The following TTC29 variants were observed in gnomAD, a reference collection of about 807,000 sequenced individuals.
TTC29 encodes tetratricopeptide repeat domain 29, also known as tetratricopeptide repeat protein 29.
TTC29 carries 49 observed loss-of-function variants against 58.1 expected under a neutral mutation model. The ratio of observed to expected loss-of-function variants is 0.84; its 90% CI spans 0.67 to 1.07. TTC29 has a LOEUF of 1.07. Among genes scored for constraint, TTC29 ranks in the 50% least tolerant of loss-of-function variants. TTC29 has a pLI of 0.00. For missense variants in TTC29, 582 were observed against 555.6 expected (o/e 1.05, Z -0.48); for synonymous variants, 209 against 196.8 (o/e 1.06, Z -0.52).
At chr4:146,861,919 G>T (rs1054367239) in intron 8 of TTC29, among the ~76,000 whole-genome samples, 2 of 152,116 alleles carry the variant, frequency 1.3e-5, no homozygotes, top group Non-Finnish European at 2.9e-5. Context: ...TGAAATACAA[G>T]TGAGAAGATA....
chr4:146,788,082 C>A (rs1749162797), intron 11 of TTC29, among the ~76,000 whole-genome samples: 1 of 152,154 alleles, frequency 6.6e-6, no homozygotes, highest in African/African-American at 2.4e-5. Flanking sequence ...ACCTGAGAGA[C>A]CTGAGGATTC....
At chr4:146,830,823 A>T (rs1004473271) in intron 9 of TTC29, among the ~76,000 whole-genome samples, 1 of 152,152 alleles carries the variant, frequency 6.6e-6, no homozygotes, top group African/African-American at 2.4e-5. Flanking sequence ...TTACTGAAGG[A>T]TATAAAGCCT....
At chr4:146,789,772 T>C (rs191523689) in intron 11 of TTC29, among the ~76,000 whole-genome samples, 107 of 151,304 alleles carry the variant, frequency 7.1e-4, no homozygotes, top group Non-Finnish European at 9.0e-4. Flanking sequence ...GTAAAATATA[T>C]TTTTTACTGT....
intron 4 of TTC29, among the ~76,000 whole-genome samples, chr4:146,933,747 G>T (rs1026762194): frequency 1.3e-5 from 2 of 152,086 alleles, no homozygotes; most frequent in African/African-American, 4.8e-5. Flanking sequence ...AGAAAGTAAC[G>T]AAGCATACTG....
At chr4:146,812,027 G>T (rs1214429090) in intron 10 of TTC29, among the ~76,000 whole-genome samples, 1 of 151,634 alleles carries the variant, frequency 6.6e-6, no homozygotes, top group Non-Finnish European at 1.5e-5. Flanking sequence ...ATTTATATAA[G>T]AAAAAAAGTT....
At position 146,939,824 on chromosome 4, in the gene TTC29, G is replaced by A; in HGVS notation, c.72C>T (p.Cys24=). 6.2e-7 allele frequency: 1 copy of A among 1,612,842 alleles called. No homozygotes were observed. The highest frequency in any genetic ancestry group is 8.5e-7 in the Non-Finnish European group (1 of 1,179,526). ...LTALARQKLP[C]SSRKIPRSQL... is the part of the protein sequence containing the mutation. The stretch of plus-strand genomic sequence containing the variant: ...CGTACCTTGGAATTTTTCTGGAGGA[G>A]CAAGGCAGCTTCTGTCTGGCTAAGG... The change falls in exon 3 of 13, where the codon TGC becomes TGT. Residue 24 remains cysteine (C), a synonymous_variant. Transcript: ENST00000325106.
intron 6 of TTC29, among the ~76,000 whole-genome samples, chr4:146,892,421 A>G (rs1482254078): frequency 6.6e-6 from 1 of 152,230 alleles, no homozygotes; most frequent in Non-Finnish European, 1.5e-5. Flanking sequence ...AAACAGAACC[A>G]ACGACAAAAA....
At chr4:146,914,189 A>G (rs780113411) in intron 4 of TTC29, among the ~76,000 whole-genome samples, 44 of 152,202 alleles carry the variant, frequency 2.9e-4, no homozygotes, top group Admixed American at 1.5e-3. Context: ...CGGCTATCTA[A>G]AAAAAAGGAA....
intron 4 of TTC29, among the ~76,000 whole-genome samples, chr4:146,917,814 T>C (rs1200694079): frequency 6.7e-6 from 1 of 149,084 alleles, no homozygotes; most frequent in East Asian, 1.9e-4. Flanking sequence ...TCTAATGCAA[T>C]ATATTAATTT....
In TTC29 at chr4:146,832,597, G is replaced by A. The variant is rs140242563; in HGVS notation, c.977+1209C>T. Among the ~76,000 whole-genome samples the A allele has an allele frequency of 9.9e-3, 1,507 of 152,038 alleles. 15 individuals carry two copies. Among genetic ancestry groups the A allele is most frequent in the Middle Eastern group, 0.024 (7 of 294 alleles). Reference sequence around the variant, plus strand: ...AGTGATTCTCCTGCCTCAGCCTCCCGAGTAGCTGGGATTACAGGAGCCCTC... The same window carrying A: ...AGTGATTCTCCTGCCTCAGCCTCCCAAGTAGCTGGGATTACAGGAGCCCTC... On this transcript the variant is annotated intron_variant, in intron 9 of 12. Coordinates refer to ENST00000325106, the MANE Select transcript of TTC29 (RefSeq NM_031956.4).
chr4:146,741,914 G>C (rs577842212), intron 11 of TTC29, among the ~76,000 whole-genome samples: 1 of 152,312 alleles, frequency 6.6e-6, no homozygotes, highest in Non-Finnish European at 1.5e-5. Context: ...GAACTTATCA[G>C]ATTCTACTAG....
In TTC29 at chr4:146,903,647, G is replaced by C; in HGVS notation, c.483C>G (p.His161Gln). The part of the protein sequence containing the change: ...NNSEDKWVRN[H>Q]FYERCFKIAQ... Reference sequence around the variant, plus strand: ...CAATCTTAAAACATCGTTCATAGAAGTGGTTCCTTACCCACTTGTCTTCAG... The same window carrying C: ...CAATCTTAAAACATCGTTCATAGAACTGGTTCCTTACCCACTTGTCTTCAG... The change falls in exon 6 of 13, where the codon CAC becomes CAG. Residue 161 changes from histidine to glutamine, a missense_variant. Transcript: ENST00000325106. The C allele has an allele frequency of 6.2e-7, 1 of 1,613,080 alleles. No homozygotes were observed. The highest frequency in any genetic ancestry group is 1.3e-5 in the African/African-American group (1 of 75,004).
intron 8 of TTC29, among the ~76,000 whole-genome samples, chr4:146,866,228 T>C (rs1019598640): frequency 2.0e-5 from 3 of 152,208 alleles, no homozygotes; most frequent in African/African-American, 4.8e-5. Flanking sequence ...AGAAAGAATA[T>C]CTATGAGCTA....
intron 6 of TTC29, among the ~76,000 whole-genome samples, chr4:146,876,934 C>CA (rs776037799): frequency 0.36 from 20,829 of 58,450 alleles, 2,779 homozygotes; most frequent in East Asian, 0.44. Context: ...GACTCCATCT[C>CA]AAAAAAAAAA....
At chr4:146,806,922 C>G (rs1750660098) in intron 10 of TTC29, among the ~76,000 whole-genome samples, 1 of 152,204 alleles carries the variant, frequency 6.6e-6, no homozygotes. Flanking sequence ...CACCCCAAAT[C>G]AACAGAATAT....
At chr4:146,871,015 C>T (rs1287660684) in intron 7 of TTC29, among the ~76,000 whole-genome samples, 1 of 151,834 alleles carries the variant, frequency 6.6e-6, no homozygotes, top group Non-Finnish European at 1.5e-5. Flanking sequence ...TGACATCAAA[C>T]CAAAGACATT....
At chr4:146,728,838 CATATATATGTATATATATACACATATAT>C (rs1744072482) in intron 11 of TTC29, among the ~76,000 whole-genome samples, 1 of 89,218 alleles carries the variant, frequency 1.1e-5, no homozygotes, top group African/African-American at 4.2e-5. Flanking sequence ...TATATATACA[CATATATATGTATATATATACACATATAT>C]ATGTGTGTGT....
chr4:146,751,749 T>C (rs1253114066), intron 11 of TTC29, among the ~76,000 whole-genome samples: 1 of 151,694 alleles, frequency 6.6e-6, no homozygotes, highest in African/African-American at 2.4e-5. Flanking sequence ...TTAAAAAAGA[T>C]GAAAGAGCTC....
At chr4:146,713,627 T>G (rs1187423887) in intron 11 of TTC29, among the ~76,000 whole-genome samples, 1 of 152,166 alleles carries the variant, frequency 6.6e-6, no homozygotes, top group South Asian at 2.1e-4. Flanking sequence ...AACTGACGTG[T>G]TCTTTCATAT....
Sources: gnomAD v4.1 joint callset for allele counts (sites outside exome capture counted in the v4.1 genomes callset) on GRCh38, gnomAD v4.1.1 for gene constraint, MANE v1.5 for transcripts, NCBI Gene and HGNC (gene_info 2026-07-23, HGNC 2026-07-21) for gene names.